TOX3: variants seen among roughly 807,000 people sequenced by gnomAD.
TOX3 encodes TOX high mobility group box family member 3.
A neutral mutation model predicts 64.3 loss-of-function variants in TOX3; 22 were observed. That is an observed-to-expected ratio of 0.34 (90% CI 0.24 to 0.49). The LOEUF (loss-of-function observed/expected upper bound fraction) is 0.49, where lower values mean the gene tolerates loss of function less well. TOX3 is among the 20% of genes least tolerant of loss of function. The pLI, the probability that TOX3 is intolerant of heterozygous loss-of-function variation, is 0.99. For synonymous variants in TOX3, 291 were observed against 273.6 expected, an observed-to-expected ratio of 1.06 and a Z score of -0.63; for missense variants, 661 against 714.4, an observed-to-expected ratio of 0.93 and a Z score of 0.85.
At chr16:52,501,948 A>G (rs543197292) in intron 1 of TOX3, among the ~76,000 whole-genome samples, 19 of 152,236 alleles carry the variant, frequency 1.2e-4, no homozygotes, top group Non-Finnish European at 2.4e-4. Flanking sequence ...GCAACAGAAT[A>G]GAGAAGGAGG....
At chr16:52,480,124 C>G (rs932829402) in intron 1 of TOX3, among the ~76,000 whole-genome samples, 1 of 152,148 alleles carries the variant, frequency 6.6e-6, no homozygotes, top group African/African-American at 2.4e-5. Context: ...GCCAGGCACA[C>G]GATAGGTTCT....
rs752343447 is a variant in TOX3, at chr16:52,468,544, C to G, written c.118G>C (p.Ala40Pro). The change falls in exon 2 of 7, where the codon GCT (alanine) becomes CCT (proline). Residue 40 changes from alanine to proline, a missense_variant. Around this residue, in one of 3 missense-constraint regions of TOX3, gnomAD observed 259 missense variants for 261.2 expected, o/e 0.99. Coordinates refer to ENST00000219746, the MANE Select transcript of TOX3 (RefSeq NM_001080430.4). ...FGNNNNYMNM[A>P]EANNAFFAAS... The stretch of plus-strand genomic sequence containing the variant: ...GCGAAGAACGCATTGTTCGCCTCAG[C>G]CATATTCATATAGTTATTATTATTT... 6.2e-7 allele frequency: 1 copy of G among 1,612,938 alleles called. No homozygotes were observed. The highest frequency in any genetic ancestry group is 8.5e-7 in the Non-Finnish European group (1 of 1,179,244).
At chr16:52,450,008 G>A (rs76710611) in intron 4 of TOX3, among the ~76,000 whole-genome samples, 2,054 of 152,324 alleles carry the variant, frequency 0.013, 22 homozygotes, top group Non-Finnish European at 0.021. Context: ...TCCTTTTGCA[G>A]ATTAGAAAAA....
chr16:52,505,796 G>T (rs1440303223), intron 1 of TOX3, among the ~76,000 whole-genome samples: 1 of 152,090 alleles, frequency 6.6e-6, no homozygotes, highest in Non-Finnish European at 1.5e-5. Flanking sequence ...GGGCAACATA[G>T]GGAGACCCCG....
intron 5 of TOX3, 160 bp from the exon 6 acceptor site, chr16:52,444,516 C>T (rs1479127201): frequency 9.0e-6 from 4 of 446,502 alleles, no homozygotes; most frequent in Non-Finnish European, 1.6e-5. Context: ...CACACACACA[C>T]ACACACACAC....
At chr16:52,544,638 T>C (rs1389510145) in intron 1 of TOX3, among the ~76,000 whole-genome samples, 1 of 152,214 alleles carries the variant, frequency 6.6e-6, no homozygotes, top group African/African-American at 2.4e-5. Flanking sequence ...CCAACTTGTA[T>C]CCACACTCCT....
At chr16:52,538,005 TC>T (rs1192053245) in intron 1 of TOX3, among the ~76,000 whole-genome samples, 1 of 151,862 alleles carries the variant, frequency 6.6e-6, no homozygotes, top group African/African-American at 2.4e-5. Flanking sequence ...AAACTTACAA[TC>T]CCTTTTCTAT....
intron 1 of TOX3, among the ~76,000 whole-genome samples, chr16:52,489,725 T>G (rs1961624481): frequency 6.6e-6 from 1 of 152,180 alleles, no homozygotes; most frequent in Non-Finnish European, 1.5e-5. Context: ...TACTACCAAC[T>G]TATATTCAAC....
chr16:52,484,547 C>A (rs1230438628), intron 1 of TOX3, among the ~76,000 whole-genome samples: 1 of 151,994 alleles, frequency 6.6e-6, no homozygotes, highest in East Asian at 1.9e-4. Context: ...CAGCAATAAT[C>A]AAGTTTTACT....
Position 52,537,627 on chromosome 16 carries a change from C to T in TOX3, c.87+9010G>A, listed in dbSNP as rs149851773. On this transcript the variant is annotated intron_variant, in intron 1 of 6. Coordinates refer to ENST00000219746, the MANE Select transcript of TOX3 (RefSeq NM_001080430.4). Reference sequence around the variant, plus strand: ...AGCACTTTGTTTTTCCTCCAAAGAACCACTGCTCCATACTCTTAGCTCCTG... The same window carrying T: ...AGCACTTTGTTTTTCCTCCAAAGAATCACTGCTCCATACTCTTAGCTCCTG... Among the ~76,000 whole-genome samples the T allele has an allele frequency of 2.6e-5, 4 of 152,208 alleles. No individual in the cohort carries two copies. The East Asian group carries it at 7.7e-4, about 29-fold the overall frequency.
At chr16:52,491,286 C>A (rs1961679245) in intron 1 of TOX3, among the ~76,000 whole-genome samples, 1 of 151,988 alleles carries the variant, frequency 6.6e-6, no homozygotes, top group Non-Finnish European at 1.5e-5. Context: ...ATGGGGTGAG[C>A]TCTTCTTCCT....
intron 1 of TOX3, among the ~76,000 whole-genome samples, chr16:52,508,710 G>A (rs1962225146): frequency 1.3e-5 from 2 of 152,076 alleles, no homozygotes; most frequent in African/African-American, 4.8e-5. Flanking sequence ...GGCAGGAAGG[G>A]AGGGAGTTGC....
At chr16:52,444,249 A>T in intron 6 of TOX3, 27 bp downstream of exon 6, 2 of 1,513,592 alleles carry the variant, frequency 1.3e-6, no homozygotes, top group Non-Finnish European at 1.8e-6. Context: ...ACTATTTTGG[A>T]GCCTGGCCGC....
At position 52,438,499 on chromosome 16, in the gene TOX3, T is replaced by C. The variant is rs562606475; in HGVS notation, c.*726A>G. 276 of 121,324 alleles carry C rather than the reference T, an allele frequency of 2.3e-3. No homozygotes were observed. Among genetic ancestry groups the C allele is most frequent in the African/African-American group, 0.01 (257 of 25,446 alleles). 7.5% of individuals were successfully genotyped at this position (121,324 alleles called of 1,614,324 possible). On this transcript the variant is annotated 3_prime_UTR_variant, in exon 7 of 7. Transcript: ENST00000219746. The stretch of plus-strand genomic sequence containing the variant: ...AACTTGTCACTCAAAACACGGAATA[T>C]AGTATTCACATTTCTTCTAATTGGA...
At chr16:52,496,396 T>A (rs1462346703) in intron 1 of TOX3, among the ~76,000 whole-genome samples, 2 of 152,222 alleles carry the variant, frequency 1.3e-5, no homozygotes, top group Non-Finnish European at 2.9e-5. Context: ...GAAAGATGTC[T>A]TTGTATTGTT....
rs995127945 is a variant in TOX3, at chr16:52,485,052, T to C, written c.88-16478A>G. On this transcript the variant is annotated intron_variant, in intron 1 of 6. Coordinates refer to ENST00000219746, the MANE Select transcript of TOX3 (RefSeq NM_001080430.4). ...TGTCAGATAAATATATATATATATA[T>C]ACACACACACAAACACACACATATA... Among the ~76,000 whole-genome samples the C allele has an allele frequency of 1.3e-4, 19 of 145,720 alleles. 1 individual carries two copies. Among genetic ancestry groups the C allele is most frequent in the Middle Eastern group, 3.5e-3 (1 of 284 alleles).
At chr16:52,442,496 T>C (rs960189264) in intron 6 of TOX3, among the ~76,000 whole-genome samples, 6 of 152,188 alleles carry the variant, frequency 3.9e-5, no homozygotes, top group African/African-American at 1.4e-4. Context: ...TATTCTAACA[T>C]GATGTGATTT....
At position 52,544,940 on chromosome 16, in the gene TOX3, C is replaced by T. The variant is rs892084890; in HGVS notation, c.87+1697G>A. On this transcript the variant is annotated intron_variant, in intron 1 of 6. Transcript: ENST00000219746. ...CAGAGAAAGAAGGAGTTACATTAGG[C>T]AAGGTAATGGCTTCCAAAAATAAGA... Among the ~76,000 whole-genome samples the T allele has an allele frequency of 4.6e-5, 7 of 152,294 alleles. No individual in the cohort carries two copies. The South Asian group carries it at 1.0e-3, about 23-fold the overall frequency.
At chr16:52,516,085 T>C (rs545837390) in intron 1 of TOX3, among the ~76,000 whole-genome samples, 61 of 152,266 alleles carry the variant, frequency 4.0e-4, no homozygotes, top group Non-Finnish European at 7.1e-4. Context: ...TGAAGGAATA[T>C]TGGAGTTCAT....
Sources: gnomAD v4.1 joint callset for allele counts (sites outside exome capture counted in the v4.1 genomes callset) on GRCh38, gnomAD v4.1.1 for gene constraint, gnomAD v4.1.1 regional missense constraint, MANE v1.5 for transcripts, NCBI Gene and HGNC (gene_info 2026-07-23, HGNC 2026-07-21) for gene names.